Variants in SIRPB2 observed in about 807,000 individuals in gnomAD.
SIRPB2 encodes signal-regulatory protein beta-2.
A neutral mutation model predicts 27.1 loss-of-function variants in SIRPB2; 18 were observed. The observed-to-expected ratio is 0.66, with a 90% CI of 0.46 to 0.98. SIRPB2 has a LOEUF of 0.98. Ranked by LOEUF, SIRPB2 falls within the 50% of genes least tolerant of loss-of-function variation. The pLI is 0.00. For missense variants in SIRPB2, 420 were observed against 417.4 expected (o/e 1.01, Z -0.06); for synonymous variants, 150 against 164.6 (o/e 0.91, Z 0.68).
Position 1,478,365 on chromosome 20 carries a change from C to G in SIRPB2, c.694G>C (p.Val232Leu). ...TAGGTGCCTGCATCCTCACTGGAGA[C>G]GTTTTGCAGAAGAATGCTGAAGTCA... is the stretch of plus-strand genomic sequence containing the variant. ...NNDFSILLQN[V>L]SSEDAGTYYC... Residue 232 changes from valine to leucine, a missense_variant, in exon 3 of 5, where the codon GTC (valine) becomes CTC (leucine). Coordinates refer to ENST00000359801, the MANE Select transcript of SIRPB2 (RefSeq NM_001122962.2). 1 of 1,614,176 alleles carries G rather than the reference C, an allele frequency of 6.2e-7. No individual in the cohort carries two copies. The highest frequency in any genetic ancestry group is 8.5e-7 in the Non-Finnish European group (1 of 1,180,032).
At chr20:1,482,475 T>A (rs1249325050) in intron 1 of SIRPB2, among the ~76,000 whole-genome samples, 1 of 151,320 alleles carries the variant, frequency 6.6e-6, no homozygotes, top group Non-Finnish European at 1.5e-5. Flanking sequence ...CCTGCATAGT[T>A]GTCTTTCTGT....
At chr20:1,487,330 C>A (rs1600025255) in intron 1 of SIRPB2, among the ~76,000 whole-genome samples, 1 of 152,198 alleles carries the variant, frequency 6.6e-6, no homozygotes, top group Non-Finnish European at 1.5e-5. Context: ...GAGGTACACA[C>A]TGTTCATATG....
chr20:1,484,152 G>A (rs1371523735), intron 1 of SIRPB2, among the ~76,000 whole-genome samples: 1 of 152,092 alleles, frequency 6.6e-6, no homozygotes, highest in Non-Finnish European at 1.5e-5. Context: ...ATATGCAGAA[G>A]AATAAAGGTA....
At chr20:1,471,954 A>T (rs1234806198), downstream of SIRPB2, among the ~76,000 whole-genome samples, 3 of 152,160 alleles carry the variant, frequency 2.0e-5, no homozygotes, top group Non-Finnish European at 4.4e-5. Flanking sequence ...AGCATGGGAC[A>T]AGAACCATGG....
chr20:1,482,501 T>C (rs2090681037), intron 1 of SIRPB2, among the ~76,000 whole-genome samples: 1 of 151,826 alleles, frequency 6.6e-6, no homozygotes, highest in Admixed American at 6.6e-5. Context: ...GCTCACTCCT[T>C]CCTTCCTTCC....
intron 3 of SIRPB2, chr20:1,477,937 G>C (rs2090622719): frequency 2.1e-6 from 1 of 481,336 alleles, no homozygotes; most frequent in South Asian, 1.5e-5. Flanking sequence ...GCCTCCCAAA[G>C]TGCTGGGATT....
In SIRPB2 at chr20:1,479,961, C is replaced by T. The variant is rs746777846; in HGVS notation, c.190G>A (p.Gly64Ser). The change falls in exon 2 of 5, where the codon GGC (glycine) becomes AGC (serine). Residue 64 changes from glycine to serine, a missense_variant. Coordinates refer to ENST00000359801, the MANE Select transcript of SIRPB2 (RefSeq NM_001122962.2). ...TTTATCATACCATCAGTGCAGGAGC[C>T]GACCACCATACACCTCAGTAGAAGT... ...ETLLLRCMVV[G>S]SCTDGMIKWV... The T allele has an allele frequency of 5.6e-5, 91 of 1,614,170 alleles. No homozygotes were observed. The Middle Eastern group carries it at 6.6e-4, about 12-fold the overall frequency.
At chr20:1,471,674 T>G (rs1028277095), downstream of SIRPB2, among the ~76,000 whole-genome samples, 2 of 152,212 alleles carry the variant, frequency 1.3e-5, no homozygotes, top group Non-Finnish European at 2.9e-5. Flanking sequence ...ATTCTTGACC[T>G]GGCTGGCACC....
At chr20:1,491,068 C>T (rs8118276) in intron 1 of SIRPB2, among the ~76,000 whole-genome samples, 15,131 of 152,144 alleles carry the variant, frequency 0.099, 1,330 homozygotes, top group African/African-American at 0.23. Flanking sequence ...TGGGTGTGAG[C>T]GCAGAGCCTG....
At chr20:1,489,330 T>C (rs1454650259) in intron 1 of SIRPB2, among the ~76,000 whole-genome samples, 1 of 152,256 alleles carries the variant, frequency 6.6e-6, no homozygotes, top group African/African-American at 2.4e-5. Context: ...TTGTGTACTT[T>C]ACATATGTAC....
At chr20:1,488,914 C>T (rs985820956) in intron 1 of SIRPB2, among the ~76,000 whole-genome samples, 1 of 152,148 alleles carries the variant, frequency 6.6e-6, no homozygotes. Context: ...AAGACTTGTA[C>T]ATGAATATTC....
At chr20:1,489,224 A>C (rs1338583853) in intron 1 of SIRPB2, among the ~76,000 whole-genome samples, 1 of 152,150 alleles carries the variant, frequency 6.6e-6, no homozygotes, top group Non-Finnish European at 1.5e-5. Flanking sequence ...AATCACAAGG[A>C]AACTTTTGGG....
chr20:1,484,515 AT>A (rs1291226955), intron 1 of SIRPB2, among the ~76,000 whole-genome samples: 4 of 151,422 alleles, frequency 2.6e-5, no homozygotes, highest in Non-Finnish European at 4.4e-5. Flanking sequence ...GTTAAAAAAA[AT>A]CTCATTAAAA....
At chr20:1,485,909 A>G (rs190896811) in intron 1 of SIRPB2, among the ~76,000 whole-genome samples, 288 of 152,204 alleles carry the variant, frequency 1.9e-3, no homozygotes, top group Non-Finnish European at 3.5e-3. Context: ...AATTCCTTGA[A>G]AAAGATACAC....
At chr20:1,477,734 G>C (rs2090620396) in intron 3 of SIRPB2, among the ~76,000 whole-genome samples, 1 of 152,132 alleles carries the variant, frequency 6.6e-6, no homozygotes, top group Non-Finnish European at 1.5e-5. Context: ...GGAGTACAAG[G>C]GTGCGATCTT....
In SIRPB2 at chr20:1,478,304, T is replaced by G. The variant is rs1239677630; in HGVS notation, c.755A>C (p.Gln252Pro). 2 of 1,614,070 alleles carry G rather than the reference T, an allele frequency of 1.2e-6. No individual in the cohort carries two copies. The highest frequency in any genetic ancestry group is 1.7e-6 in the Non-Finnish European group (2 of 1,180,026). ...CVKFQRKPNRQYLSGQGTSLK... is the reference protein window; with the variant it reads ...CVKFQRKPNRPYLSGQGTSLK... ...GCTGGTGCCCTGTCCAGACAGGTATTGCCTGTTGGGTTTCCTCTGAAACTT... is the reference window on the plus strand; with the variant it reads ...GCTGGTGCCCTGTCCAGACAGGTATGGCCTGTTGGGTTTCCTCTGAAACTT... Residue 252 changes from glutamine (Q) to proline (P), a missense_variant, in exon 3 of 5, where the codon CAA becomes CCA. Gln to Pro is a moderately conservative substitution (Grantham distance 76). Coordinates refer to ENST00000359801, the MANE Select transcript of SIRPB2 (RefSeq NM_001122962.2).
intron 4 of SIRPB2, chr20:1,477,037 G>T (rs779431822): frequency 1.5e-6 from 2 of 1,334,030 alleles, no homozygotes; most frequent in East Asian, 3.4e-5. Flanking sequence ...CTCCAGTGTC[G>T]CTGTGCATAG....
chr20:1,482,889 A>G (rs1314783378), intron 1 of SIRPB2, among the ~76,000 whole-genome samples: 1 of 151,924 alleles, frequency 6.6e-6, no homozygotes, highest in East Asian at 1.9e-4. Context: ...TACATTTGCA[A>G]TTGTGAATAT....
At chr20:1,477,101 C>T (rs1379008097) in intron 4 of SIRPB2, 1 of 1,488,602 alleles carries the variant, frequency 6.7e-7, no homozygotes. Flanking sequence ...ACCTCTCAAA[C>T]AACATTTCCC....
Sources: allele counts gnomAD v4.1 joint callset (sites outside exome capture counted in the v4.1 genomes callset), GRCh38; gene constraint gnomAD v4.1.1; transcripts MANE v1.5; gene names NCBI Gene and HGNC (gene_info 2026-07-23, HGNC 2026-07-21).